CLTB: variants seen among roughly 807,000 people sequenced by gnomAD.
CLTB encodes clathrin, light chain (Lcb).
Under a neutral mutation model 30.5 loss-of-function variants are expected in CLTB, and 10 were observed. That is an observed-to-expected ratio of 0.33 (90% CI 0.20 to 0.56). The LOEUF (loss-of-function observed/expected upper bound fraction) is 0.56, where lower values mean the gene tolerates loss of function less well. CLTB is among the 20% of genes least tolerant of loss of function. The pLI is 0.91. For missense variants in CLTB, 261 were observed against 308.3 expected (o/e 0.85, Z 1.15); for synonymous variants, 102 against 120.3 (o/e 0.85, Z 1.00).
intron 5 of CLTB, 43 bp downstream of exon 5, chr5:176,396,436 C>T: frequency 6.5e-7 from 1 of 1,536,638 alleles, no homozygotes; most frequent in South Asian, 1.1e-5. Context: ...GGTGGCCATT[C>T]CCTCTCTAGC....
intron 2 of CLTB, 95 bp from the exon 3 acceptor site, chr5:176,398,142 C>T: frequency 9.2e-7 from 1 of 1,083,586 alleles, no homozygotes; most frequent in Non-Finnish European, 1.4e-6. Context: ...CTGGATAACT[C>T]AGCCTCAAAC....
intron 1 of CLTB, among the ~76,000 whole-genome samples, chr5:176,412,039 G>A (rs1272155863): frequency 9.9e-5 from 15 of 152,104 alleles, no homozygotes; most frequent in Admixed American, 6.5e-4. Context: ...AGCCAGGCGT[G>A]GTGGCAGGCG....
At chr5:176,411,531 T>C (rs919004018) in intron 1 of CLTB, among the ~76,000 whole-genome samples, 1 of 152,130 alleles carries the variant, frequency 6.6e-6, no homozygotes, top group African/African-American at 2.4e-5. Flanking sequence ...GGGCACCCCT[T>C]CCTATTCCTC....
intron 2 of CLTB, among the ~76,000 whole-genome samples, chr5:176,401,010 G>A (rs1343791568): frequency 6.6e-6 from 1 of 152,164 alleles, no homozygotes; most frequent in East Asian, 1.9e-4. Flanking sequence ...CCTGGCTCCT[G>A]GGATCATCGG....
At chr5:176,403,152 C>T (rs1283761192) in intron 2 of CLTB, among the ~76,000 whole-genome samples, 2 of 150,420 alleles carry the variant, frequency 1.3e-5, no homozygotes, top group African/African-American at 2.5e-5. Context: ...TGGGTTCAAG[C>T]GATTCTCCTG....
intron 5 of CLTB, among the ~76,000 whole-genome samples, chr5:176,395,370 A>AG (rs1163131059): frequency 1.3e-5 from 2 of 152,146 alleles, no homozygotes; most frequent in Non-Finnish European, 2.9e-5. Flanking sequence ...GAGCACGGTG[A>AG]GGGGGGCGGC....
Position 176,392,984 on chromosome 5 carries a change from C to A in CLTB, c.519-39G>T. The stretch of plus-strand genomic sequence containing the variant: ...TAGGACGGGCTTTTATAGCAGTCTG[C>A]TTTCCCCCAGCCTTGCCCTTGAGCA... On this transcript the variant is annotated intron_variant, in intron 5 of 5. Coordinates refer to ENST00000310418, the MANE Select transcript of CLTB (RefSeq NM_007097.5). The surrounding 1 kb of genome is among the most constrained non-coding windows in gnomAD (Gnocchi z 5.2). 1 of 1,612,280 alleles carries A rather than the reference C, an allele frequency of 6.2e-7. No homozygotes were observed. The highest frequency in any genetic ancestry group is 8.5e-7 in the Non-Finnish European group (1 of 1,178,630).
chr5:176,399,339 T>C (rs954584212), intron 2 of CLTB, among the ~76,000 whole-genome samples: 3 of 152,204 alleles, frequency 2.0e-5, no homozygotes, highest in Non-Finnish European at 2.9e-5. Context: ...GGGAAAGAAC[T>C]TGGACTCTGC....
chr5:176,412,125 G>C (rs1047991355), intron 1 of CLTB, among the ~76,000 whole-genome samples: 3 of 147,024 alleles, frequency 2.0e-5, no homozygotes, highest in Admixed American at 7.0e-5. Flanking sequence ...GCAGTGAGCC[G>C]AGATCCCGCC....
intron 5 of CLTB, among the ~76,000 whole-genome samples, chr5:176,395,947 C>T (rs529655110): frequency 2.6e-5 from 4 of 152,198 alleles, no homozygotes; most frequent in South Asian, 2.1e-4. Context: ...CCAGCCTGGC[C>T]GACATGGTGA....
intron 2 of CLTB, among the ~76,000 whole-genome samples, chr5:176,405,366 G>A (rs1293963170): frequency 6.6e-6 from 1 of 151,622 alleles, no homozygotes; most frequent in Non-Finnish European, 1.5e-5. Context: ...GGCCCTCCCT[G>A]TAGTCCCAGC....
At chr5:176,399,664 C>T (rs964878351) in intron 2 of CLTB, among the ~76,000 whole-genome samples, 5 of 151,386 alleles carry the variant, frequency 3.3e-5, no homozygotes, top group South Asian at 4.2e-4. Context: ...GAGGCCGAAG[C>T]GGGCAGATCA....
At chr5:176,406,643 G>A in intron 2 of CLTB, 3 of 1,289,388 alleles carry the variant, frequency 2.3e-6, no homozygotes, top group Non-Finnish European at 3.0e-6. Flanking sequence ...AATAGTTGTG[G>A]GCAGGCTCGT....
intron 3 of CLTB, 75 bp from the exon 4 acceptor site, chr5:176,397,793 C>T: frequency 6.6e-7 from 1 of 1,523,634 alleles, no homozygotes; most frequent in Non-Finnish European, 9.1e-7. Context: ...CTCCCCTGGC[C>T]CCTGCCAGGC....
intron 1 of CLTB, among the ~76,000 whole-genome samples, chr5:176,412,766 A>G (rs1757508687): frequency 6.6e-6 from 1 of 152,168 alleles, no homozygotes; most frequent in African/African-American, 2.4e-5. Flanking sequence ...ATTCCTTCAG[A>G]TAAGGCTTCT....
intron 2 of CLTB, chr5:176,406,047 A>G (rs1406727945): frequency 1.7e-6 from 1 of 599,322 alleles, no homozygotes; most frequent in Non-Finnish European, 2.1e-6. Flanking sequence ...AGAAGCAGTC[A>G]CCACTCATTA....
rs146964797 is a variant in CLTB at position 176,413,794 on chromosome 5, G to A, written c.187+2383C>T. 5.4e-3 allele frequency among the ~76,000 whole-genome samples: 819 copies of A among 152,304 alleles called. 5 individuals carry two copies. Among genetic ancestry groups the A allele is most frequent in the Non-Finnish European group, 6.5e-3 (439 of 68,034 alleles). The stretch of plus-strand genomic sequence containing the variant: ...AGCCCATCTGGCCATCCACTGAGCC[G>A]CCATCCCTCAACACCTCCCTGCTCC... On this transcript the variant is annotated intron_variant, in intron 1 of 5. Coordinates refer to ENST00000310418, the MANE Select transcript of CLTB (RefSeq NM_007097.5).
chr5:176,408,824 T>G (rs1268049970), intron 2 of CLTB, among the ~76,000 whole-genome samples: 5 of 152,202 alleles, frequency 3.3e-5, no homozygotes, highest in African/African-American at 9.6e-5. Context: ...CCGGCTGGGT[T>G]TTCCTCGTTT....
At position 176,392,630 on chromosome 5, in the gene CLTB, G is replaced by GC. The variant is rs1478427952; in HGVS notation, c.*143dup. On this transcript the variant is annotated 3_prime_UTR_variant, in exon 6 of 6. Coordinates refer to ENST00000310418, the MANE Select transcript of CLTB (RefSeq NM_007097.5). This position sits in a 1 kb window ranked among gnomAD's most constrained non-coding sequence, Gnocchi z 5.2. Reference sequence around the variant, plus strand: ...GGGAGCGAGGCGTGATGGGGTGAGGGCCCCCCTCCCAGCGCCTGGAGATGG... The same window carrying GC: ...GGGAGCGAGGCGTGATGGGGTGAGGGCCCCCCCTCCCAGCGCCTGGAGATGG... The GC allele has an allele frequency of 3.3e-6, 3 of 919,830 alleles. No homozygotes were observed. The highest frequency in any genetic ancestry group is 4.9e-6 in the Non-Finnish European group (3 of 609,800). The allele number at this position is 919,830 out of a possible 1,614,324, so 57.0% of individuals were successfully genotyped here.
Sources: allele counts gnomAD v4.1 joint callset (sites outside exome capture counted in the v4.1 genomes callset), GRCh38; gene constraint gnomAD v4.1.1; non-coding constraint Gnocchi (gnomAD v3.1); transcripts MANE v1.5; gene names NCBI Gene and HGNC (gene_info 2026-07-23, HGNC 2026-07-21).